The following EIF4E3 variants were observed in gnomAD, a reference collection of about 807,000 sequenced individuals.
The protein encoded by EIF4E3 is eukaryotic translation initiation factor 4E family member 3, also known as eukaryotic translation initiation factor 4E type 3.
Under a neutral mutation model 31.7 loss-of-function variants are expected in EIF4E3, and 26 were observed. The ratio of observed to expected loss-of-function variants is 0.82; its 90% CI spans 0.60 to 1.14. EIF4E3 has a LOEUF of 1.14. Among genes scored for constraint, EIF4E3 ranks in the 50% most tolerant of loss-of-function variants. The pLI, the probability that EIF4E3 is intolerant of heterozygous loss-of-function variation, is 0.00. For synonymous variants in EIF4E3, 128 were observed against 107.7 expected, an observed-to-expected ratio of 1.19 and a Z score of -1.17; for missense variants, 304 against 270.9, an observed-to-expected ratio of 1.12 and a Z score of -0.86.
At chr3:71,663,123 T>C in the EIF4E3 span, among the ~76,000 whole-genome samples, 1 of 152,066 alleles carries the variant, frequency 6.6e-6, no homozygotes, top group African/African-American at 2.4e-5. Flanking sequence ...GCCATCCCCA[T>C]CAGAAGAGAA....
At chr3:71,671,339 G>A (rs1479508955), downstream of EIF4E3, among the ~76,000 whole-genome samples, 1 of 152,042 alleles carries the variant, frequency 6.6e-6, no homozygotes, top group East Asian at 1.9e-4. Context: ...GGGCTGCAGA[G>A]AGACCAGGGG....
intron 1 of EIF4E3, among the ~76,000 whole-genome samples, chr3:71,736,136 G>A (rs954464818): frequency 4.6e-5 from 7 of 152,240 alleles, no homozygotes; most frequent in East Asian, 1.9e-4. Context: ...TCTAAATCCC[G>A]AAACGTTGGT....
At chr3:71,723,814 C>G (rs750386755) in intron 1 of EIF4E3, among the ~76,000 whole-genome samples, 15 of 152,170 alleles carry the variant, frequency 9.9e-5, no homozygotes, top group Non-Finnish European at 2.1e-4. Context: ...ATAATGCTCT[C>G]TTAGCATCCC....
the EIF4E3 span, among the ~76,000 whole-genome samples, chr3:71,663,660 A>G: frequency 9.8e-5 from 15 of 152,304 alleles, 4 homozygotes; most frequent in South Asian, 3.1e-3. Context: ...TTCTTCATCC[A>G]CTGGATCACC....
At chr3:71,690,309 G>T in intron 5 of EIF4E3, 144 bp from the exon 6 acceptor site, 2 of 940,500 alleles carry the variant, frequency 2.1e-6, no homozygotes, top group South Asian at 4.2e-5. Flanking sequence ...AGAAATAATT[G>T]TTTCTATGGG....
chr3:71,685,044 G>A (rs1407774973), intron 6 of EIF4E3, among the ~76,000 whole-genome samples: 1 of 152,170 alleles, frequency 6.6e-6, no homozygotes, highest in East Asian at 1.9e-4. Context: ...AGCAAATGCC[G>A]CAGGGGAAAA....
At position 71,677,971 on chromosome 3, in the gene EIF4E3, G is replaced by C. The variant is rs1347480859; in HGVS notation, c.*6711C>G. The C allele has an allele frequency of 6.6e-6, 1 of 152,128 alleles. No individual in the cohort carries two copies. The highest frequency in any genetic ancestry group is 1.5e-5 in the Non-Finnish European group (1 of 68,016). 9.4% of individuals were successfully genotyped at this position (152,128 alleles called of 1,614,324 possible). A position where few individuals can be genotyped will look rare whatever the true frequency, so the allele number is the denominator to read the frequency against. On this transcript the variant is annotated 3_prime_UTR_variant, in exon 7 of 7. Transcript: ENST00000425534. ...CAAGATACGTTTTCTAAGAGACCCA[G>C]ATGAGCCCTATTATCAAATGTGTTC...
chr3:71,731,245 C>T (rs2049703210), intron 1 of EIF4E3, among the ~76,000 whole-genome samples: 1 of 152,170 alleles, frequency 6.6e-6, no homozygotes. Flanking sequence ...TTTCTGGTGG[C>T]CAACAGTACT....
chr3:71,695,679 T>C (rs962203754), intron 4 of EIF4E3, among the ~76,000 whole-genome samples: 1 of 152,200 alleles, frequency 6.6e-6, no homozygotes, highest in South Asian at 2.1e-4. Flanking sequence ...TATAGTAAAA[T>C]GACTCCAGCT....
upstream of EIF4E3, among the ~76,000 whole-genome samples, chr3:71,726,244 T>C (rs1291166935): frequency 6.6e-6 from 1 of 152,120 alleles, no homozygotes; most frequent in Non-Finnish European, 1.5e-5. Context: ...AGCCAAAGTA[T>C]CCAGATCTGC....
intron 1 of EIF4E3, among the ~76,000 whole-genome samples, chr3:71,742,013 A>G (rs1056465523): frequency 1.3e-5 from 2 of 152,242 alleles, no homozygotes; most frequent in South Asian, 2.1e-4. Context: ...CTACCAAAAC[A>G]GTTCTTAGGG....
At chr3:71,692,893 C>G (rs1298360767) in intron 5 of EIF4E3, among the ~76,000 whole-genome samples, 7 of 152,104 alleles carry the variant, frequency 4.6e-5, no homozygotes, top group Non-Finnish European at 8.8e-5. Flanking sequence ...CCACGCCCAG[C>G]GCAGGTTTTA....
upstream of EIF4E3, chr3:71,754,072 G>C (rs1276762312): frequency 1.5e-6 from 2 of 1,310,262 alleles, no homozygotes; most frequent in Non-Finnish European, 9.8e-7. This position sits in a 1 kb window ranked among gnomAD's most constrained non-coding sequence, Gnocchi z 5.8. Flanking sequence ...AGCGAGCCGG[G>C]TGGCAGCGGC....
intron 2 of EIF4E3, among the ~76,000 whole-genome samples, chr3:71,706,931 A>G (rs1223314639): frequency 6.6e-6 from 1 of 152,226 alleles, no homozygotes; most frequent in Admixed American, 6.5e-5. Flanking sequence ...GTTCTTAAAT[A>G]CTAAGGACAA....
downstream of EIF4E3, among the ~76,000 whole-genome samples, chr3:71,670,418 C>G (rs945919142): frequency 7.9e-5 from 12 of 152,154 alleles, no homozygotes; most frequent in Admixed American, 5.9e-4. Context: ...TTGCACCCCC[C>G]CAACCCCCGT....
chr3:71,725,510 C>CGCCGCCT (rs1409130274), upstream of EIF4E3: 1 of 311,668 alleles, frequency 3.2e-6, no homozygotes, highest in African/African-American at 2.4e-5. This position sits in a 1 kb window ranked among gnomAD's most constrained non-coding sequence, Gnocchi z 6.1. Flanking sequence ...GCCCGCCGCC[C>CGCCGCCT]GCCGCCTTCA....
At chr3:71,716,260 T>G (rs1299488399) in intron 1 of EIF4E3, among the ~76,000 whole-genome samples, 1 of 151,210 alleles carries the variant, frequency 6.6e-6, no homozygotes, top group East Asian at 1.9e-4. Context: ...GGAGACGGAG[T>G]CTCGCTCTGT....
the EIF4E3 span, among the ~76,000 whole-genome samples, chr3:71,666,694 T>G: frequency 6.6e-6 from 1 of 152,138 alleles, no homozygotes; most frequent in Admixed American, 6.5e-5. Flanking sequence ...CCCAGCACTT[T>G]GGGAGGCTGA....
chr3:71,754,589 C>T (rs1191910678), upstream of EIF4E3: 28 of 1,420,582 alleles, frequency 2.0e-5, no homozygotes, highest in East Asian at 3.2e-5. The surrounding 1 kb of genome is among the most constrained non-coding windows in gnomAD (Gnocchi z 5.8). Flanking sequence ...CCGACGGCGC[C>T]CCCGGCGCGC....
Sources: allele counts gnomAD v4.1 joint callset (sites outside exome capture counted in the v4.1 genomes callset), GRCh38; gene constraint gnomAD v4.1.1; non-coding constraint Gnocchi (gnomAD v3.1); transcripts MANE v1.5; gene names NCBI Gene and HGNC (gene_info 2026-07-23, HGNC 2026-07-21).